Variants in STAMBP observed in about 807,000 individuals in gnomAD.
STAMBP encodes the protein STAM-binding protein.
In STAMBP, 31 loss-of-function variants were observed where a neutral mutation model predicts 50.7. The ratio of observed to expected loss-of-function variants is 0.61; its 90% confidence interval spans 0.46 to 0.83. STAMBP has a LOEUF of 0.83. Among genes scored for constraint, STAMBP ranks in the 40% least tolerant of loss-of-function variants. The pLI, the probability that STAMBP is intolerant of heterozygous loss-of-function variation, is 0.00. For missense variants in STAMBP, 472 were observed against 518.9 expected (o/e 0.91, Z 0.88); for synonymous variants, 211 against 192.4 (o/e 1.10, Z -0.80).
Position 73,847,605 on chromosome 2 carries a change from T to C in STAMBP, c.594T>C (p.Pro198=). 1.9e-6 allele frequency: 3 copies of C among 1,614,208 alleles called. No homozygotes were observed. Among genetic ancestry groups the C allele is most frequent in the Non-Finnish European group, 2.5e-6 (3 of 1,180,032 alleles). Residue 198 remains proline (P), a synonymous_variant, in exon 5 of 10, where the codon CCT becomes CCC. Coordinates refer to ENST00000394070, the MANE Select transcript of STAMBP (RefSeq NM_213622.4). ...CTGGCCTAGGTGGCCCGCTAGTGCCTGACTTGGAGAAGCCCTCCTTAGATG... is the reference window on the plus strand; with the variant it reads ...CTGGCCTAGGTGGCCCGCTAGTGCCCGACTTGGAGAAGCCCTCCTTAGATG... ...VDPGLGGPLV[P]DLEKPSLDVF... is the part of the protein sequence containing the mutation.
chr2:73,829,128 C>G lies in STAMBP; in HGVS notation c.-395C>G, dbSNP rs991164012. The G allele has an allele frequency of 6.6e-6, 1 of 152,258 alleles. No homozygotes were observed. Among genetic ancestry groups the G allele is most frequent in the African/African-American group, 2.4e-5 (1 of 41,430 alleles). The allele number at this position is 152,258 out of a possible 1,614,324, so 9.4% of individuals were successfully genotyped here. On this transcript the variant is annotated 5_prime_UTR_variant, in exon 1 of 10. Coordinates refer to ENST00000394070, the MANE Select transcript of STAMBP (RefSeq NM_213622.4). ...AGTCCCCTGCCCGGCCTGCCTCGCT[C>G]GAGGCACCCGACGGCTTCTGTCTCC...
chr2:73,869,483 C>T (rs903205449), downstream of STAMBP, among the ~76,000 whole-genome samples: 3 of 152,118 alleles, frequency 2.0e-5, no homozygotes, highest in East Asian at 5.8e-4. Context: ...AAATGCAAGT[C>T]TGCTAAAAAG....
rs979888577 is a variant in STAMBP, at chr2:73,850,737, A to G, written c.1005+224A>G. ...TAACTTTTTATTTATTTTTTAGTAA[A>G]AATAAACTGTTTTCCCTAAAGTTCC... On this transcript the variant is annotated intron_variant, in intron 7 of 9. Transcript: ENST00000394070. The surrounding 1 kb of genome is among the most constrained non-coding windows in gnomAD (Gnocchi z 4.3). 6.6e-6 allele frequency among the ~76,000 whole-genome samples: 1 copy of G among 152,116 alleles called. No homozygotes were observed. Among genetic ancestry groups the G allele is most frequent in the African/African-American group, 2.4e-5 (1 of 41,412 alleles).
At chr2:73,849,587 C>G in intron 6 of STAMBP, 100 bp downstream of exon 6, 4 of 1,442,956 alleles carry the variant, frequency 2.8e-6, no homozygotes, top group Non-Finnish European at 3.7e-6. Context: ...GGGTCAGTTA[C>G]TCTTTGTACC....
chr2:73,858,051 C>T (rs999391409), intron 7 of STAMBP, among the ~76,000 whole-genome samples: 2 of 151,682 alleles, frequency 1.3e-5, no homozygotes, highest in Admixed American at 6.6e-5. Flanking sequence ...GGCGCGATCT[C>T]GGCTCACTGC....
intron 2 of STAMBP, among the ~76,000 whole-genome samples, chr2:73,841,517 A>G (rs1168617880): frequency 2.0e-5 from 3 of 152,228 alleles, no homozygotes; most frequent in Non-Finnish European, 2.9e-5. Flanking sequence ...TATGGACAGG[A>G]TATCAGCCAT....
chr2:73,858,127 C>T (rs538583316), intron 7 of STAMBP, among the ~76,000 whole-genome samples: 81 of 149,214 alleles, frequency 5.4e-4, no homozygotes, highest in African/African-American at 1.8e-3. Flanking sequence ...GGACTACAGG[C>T]GCGTGCCACC....
chr2:73,848,219 T>G (rs539116773), intron 5 of STAMBP, among the ~76,000 whole-genome samples: 37 of 152,272 alleles, frequency 2.4e-4, no homozygotes, highest in Admixed American at 2.4e-3. Flanking sequence ...TAACTTTAGC[T>G]TGCTGGCTGT....
intron 5 of STAMBP, among the ~76,000 whole-genome samples, chr2:73,848,563 T>G (rs1676414975): frequency 6.6e-6 from 1 of 152,196 alleles, no homozygotes; most frequent in African/African-American, 2.4e-5. Flanking sequence ...GCTGGATAAT[T>G]TATAATGAAC....
chr2:73,856,556 A>C (rs1320720752), intron 7 of STAMBP, among the ~76,000 whole-genome samples: 1 of 152,198 alleles, frequency 6.6e-6, no homozygotes, highest in Non-Finnish European at 1.5e-5. Flanking sequence ...GATAGAAGAA[A>C]TTCCCTAGCA....
At chr2:73,834,864 A>T (rs1336226526) in intron 2 of STAMBP, among the ~76,000 whole-genome samples, 1 of 152,154 alleles carries the variant, frequency 6.6e-6, no homozygotes, top group Non-Finnish European at 1.5e-5. Context: ...GAAAGACCTT[A>T]GCATGTTCTG....
At chr2:73,873,110 CT>C (rs1226072800) in intron 10 of STAMBP, among the ~76,000 whole-genome samples, 6 of 152,194 alleles carry the variant, frequency 3.9e-5, no homozygotes, top group African/African-American at 1.2e-4. Flanking sequence ...ACCGGGTTGT[CT>C]GCTAACTGGA....
chr2:73,867,993 A>G (rs762595818), downstream of STAMBP, among the ~76,000 whole-genome samples: 40 of 151,982 alleles, frequency 2.6e-4, no homozygotes, highest in Non-Finnish European at 2.1e-4. Context: ...CTGTGGTGGC[A>G]CACGCCTGTA....
At chr2:73,832,547 GTTTC>G (rs1202940562) in intron 2 of STAMBP, among the ~76,000 whole-genome samples, 5 of 151,628 alleles carry the variant, frequency 3.3e-5, no homozygotes, top group Non-Finnish European at 7.4e-5. Context: ...ACTCTTAGTA[GTTTC>G]TTAGATATCT....
intron 5 of STAMBP, among the ~76,000 whole-genome samples, chr2:73,848,977 T>C (rs1304532166): frequency 6.6e-6 from 1 of 152,200 alleles, no homozygotes; most frequent in Non-Finnish European, 1.5e-5. Flanking sequence ...AGGCATGCAA[T>C]ATGAAATAAG....
Position 73,862,184 on chromosome 2 carries a change from T to C in STAMBP, c.1219-19T>C. ...TTCAGAATTTTCTAGGACTCCACCT[T>C]TCTTTTTTCCTATTGCAGAGCTGCA... On this transcript the variant is annotated intron_variant, in intron 9 of 9. Coordinates refer to ENST00000394070, the MANE Select transcript of STAMBP (RefSeq NM_213622.4). 1 of 1,593,460 alleles carries C rather than the reference T, an allele frequency of 6.3e-7. No homozygotes were observed. Among genetic ancestry groups the C allele is most frequent in the Non-Finnish European group, 8.5e-7 (1 of 1,174,248 alleles).
intron 10 of STAMBP, chr2:73,873,221 T>C (rs1679267956): frequency 6.6e-6 from 1 of 152,232 alleles, no homozygotes; most frequent in South Asian, 2.1e-4. Flanking sequence ...TTTTAATAAA[T>C]ATTTAGTGAC....
Position 73,847,711 on chromosome 2 carries a change from G to A in STAMBP, c.700G>A (p.Asp234Asn). The A allele has an allele frequency of 1.2e-6, 2 of 1,614,100 alleles. No individual in the cohort carries two copies. The highest frequency in any genetic ancestry group is 8.5e-7 in the Non-Finnish European group (1 of 1,180,006). Residue 234 changes from aspartate to asparagine, a missense_variant, in exon 5 of 10, where the codon GAC becomes AAC. Asp to Asn is a conservative substitution (Grantham distance 23). Coordinates refer to ENST00000394070, the MANE Select transcript of STAMBP (RefSeq NM_213622.4). ...AAGGCCAGCTAAGCCACCTGTGGTG[G>A]ACAGGTCCTTGAAACCTGGAGCACT... is the stretch of plus-strand genomic sequence containing the variant. ...TVRPAKPPVV[D>N]RSLKPGALSN...
Position 73,863,038 on chromosome 2 carries a change from T to G in STAMBP, c.*779T>G, listed in dbSNP as rs925278893. The stretch of plus-strand genomic sequence containing the variant: ...CAGTTCACTTTTAATTACTCCTTGT[T>G]TTTTATCTGCCTGTTGCCATCTTCC... On this transcript the variant is annotated 3_prime_UTR_variant, in exon 10 of 10. Transcript: ENST00000394070. 6.6e-6 allele frequency: 1 copy of G among 152,204 alleles called. No homozygotes were observed. Among genetic ancestry groups the G allele is most frequent in the African/African-American group, 2.4e-5 (1 of 41,446 alleles). 9.4% of individuals were successfully genotyped at this position (152,204 alleles called of 1,614,324 possible).
Sources: gnomAD v4.1 joint callset for allele counts (sites outside exome capture counted in the v4.1 genomes callset) on GRCh38, gnomAD v4.1.1 for gene constraint, Gnocchi (gnomAD v3.1) non-coding constraint, MANE v1.5 for transcripts, NCBI Gene and HGNC (gene_info 2026-07-23, HGNC 2026-07-21) for gene names.